FOXP2: variants seen among roughly 807,000 people sequenced by gnomAD.
The protein encoded by FOXP2 is forkhead box P2.
A neutral mutation model predicts 115.8 loss-of-function variants in FOXP2; 12 were observed. That is an observed-to-expected ratio of 0.10 (90% CI 0.07 to 0.17). The LOEUF (loss-of-function observed/expected upper bound fraction) is 0.17. FOXP2 is among the 10% of genes least tolerant of loss of function. The pLI is 1.00. For missense variants in FOXP2, 629 were observed against 843.5 expected (o/e 0.75, Z 3.15); for synonymous variants, 328 against 297.7 (o/e 1.10, Z -1.05).
chr7:114,150,512 A>G (rs1468635369), intron 1 of FOXP2, among the ~76,000 whole-genome samples: 2 of 151,946 alleles, frequency 1.3e-5, no homozygotes, highest in Admixed American at 6.6e-5. Flanking sequence ...CTTTTCACTT[A>G]ATAGCCCTGG....
chr7:114,184,555 G>T (rs1399083120), intron 1 of FOXP2, among the ~76,000 whole-genome samples: 1 of 152,092 alleles, frequency 6.6e-6, no homozygotes, highest in Non-Finnish European at 1.5e-5. Flanking sequence ...TATAGAACTG[G>T]ATTCCAAGAA....
chr7:114,561,961 G>T (rs1448021436), intron 3 of FOXP2, among the ~76,000 whole-genome samples: 2 of 151,934 alleles, frequency 1.3e-5, no homozygotes, highest in African/African-American at 4.8e-5. Flanking sequence ...AACTTGGACC[G>T]GTTCTTTAAA....
chr7:114,671,473 C>T (rs2129345557), intron 16 of FOXP2, among the ~76,000 whole-genome samples: 1 of 152,226 alleles, frequency 6.6e-6, no homozygotes, highest in East Asian at 1.9e-4. Flanking sequence ...CAAAGTGTGT[C>T]AGAAAACTTT....
At chr7:114,553,475 G>T (rs910965147) in intron 3 of FOXP2, among the ~76,000 whole-genome samples, 1 of 152,008 alleles carries the variant, frequency 6.6e-6, no homozygotes, top group African/African-American at 2.4e-5. Flanking sequence ...GACTTCCTTT[G>T]TTGCTCCAGT....
upstream of FOXP2, chr7:114,086,445 C>T: frequency 2.9e-6 from 1 of 342,598 alleles, no homozygotes; most frequent in South Asian, 2.1e-5. Context: ...TATGCGGCGG[C>T]CGCGTCCGCT....
At chr7:114,221,882 T>C (rs1794631587) in intron 1 of FOXP2, among the ~76,000 whole-genome samples, 3 of 152,054 alleles carry the variant, frequency 2.0e-5, no homozygotes, top group Non-Finnish European at 4.4e-5. Flanking sequence ...CTTGTTGAGT[T>C]CATTCTTCAT....
At chr7:114,501,912 G>A (rs1797579788) in intron 2 of FOXP2, among the ~76,000 whole-genome samples, 2 of 151,962 alleles carry the variant, frequency 1.3e-5, no homozygotes, top group Non-Finnish European at 2.9e-5. Flanking sequence ...TCTACATGTA[G>A]ATAAATGTTT....
intron 2 of FOXP2, among the ~76,000 whole-genome samples, chr7:114,487,167 T>C (rs917650179): frequency 2.0e-4 from 31 of 152,152 alleles, no homozygotes; most frequent in African/African-American, 7.5e-4. Context: ...TCCTCTGAAA[T>C]CTAGGCAGAG....
chr7:114,415,425 C>T (rs1480090001), intron 1 of FOXP2, 65 bp downstream of exon 1: 3 of 372,500 alleles, frequency 8.1e-6, no homozygotes, highest in South Asian at 2.1e-5. Context: ...TTTACGATTG[C>T]TTTACTGGTA....
chr7:114,575,961 A>G (rs543767526), intron 3 of FOXP2, among the ~76,000 whole-genome samples: 1 of 152,072 alleles, frequency 6.6e-6, no homozygotes, highest in South Asian at 2.1e-4. Context: ...CATTTGTAAA[A>G]AGATGTGTGG....
At chr7:114,657,742 C>A (rs894029702) in intron 10 of FOXP2, among the ~76,000 whole-genome samples, 1 of 152,144 alleles carries the variant, frequency 6.6e-6, no homozygotes. Context: ...GGGGGCTAGA[C>A]CTGTTTAACA....
intron 2 of FOXP2, among the ~76,000 whole-genome samples, chr7:114,435,769 C>T (rs1794315215): frequency 1.3e-5 from 2 of 152,120 alleles, no homozygotes; most frequent in Non-Finnish European, 2.9e-5. Context: ...GAGCTCCTGA[C>T]CTCAGGTGAT....
chr7:114,363,915 C>T (rs768330988), intron 2 of FOXP2, among the ~76,000 whole-genome samples: 6 of 152,064 alleles, frequency 3.9e-5, no homozygotes, highest in Non-Finnish European at 7.4e-5. Flanking sequence ...GAGATATTTG[C>T]TTGTAGGTCT....
At position 114,555,025 on chromosome 7, in the gene FOXP2, A is replaced by T. The variant is rs547960327; in HGVS notation, c.258+20319A>T. Among the ~76,000 whole-genome samples, 5 of 152,342 alleles carry T rather than the reference A, an allele frequency of 3.3e-5. No individual in the cohort carries two copies. The East Asian group carries it at 9.6e-4, about 29-fold the overall frequency. On this transcript the variant is annotated intron_variant, in intron 3 of 16. Transcript: ENST00000350908. ...TACATGCGTGACTAGGGCCAGCGAA[A>T]AAGAAGACCAAGGAATCAACCAGAG...
At chr7:114,321,175 CTTTATTTATTTA>C (rs60714472) in intron 2 of FOXP2, among the ~76,000 whole-genome samples, 21 of 140,870 alleles carry the variant, frequency 1.5e-4, no homozygotes, top group South Asian at 4.8e-4. Flanking sequence ...TATCTAGTAA[CTTTATTTATTTA>C]TTTATTTATT....
chr7:114,529,482 C>G (rs552886068), intron 2 of FOXP2, among the ~76,000 whole-genome samples: 1 of 151,724 alleles, frequency 6.6e-6, no homozygotes, highest in Non-Finnish European at 1.5e-5. Flanking sequence ...TTAAAGTACT[C>G]TTATTATAGT....
chr7:114,396,573 C>T (rs1562903132), intron 2 of FOXP2, among the ~76,000 whole-genome samples: 1 of 151,604 alleles, frequency 6.6e-6, no homozygotes, highest in Non-Finnish European at 1.5e-5. Context: ...TAATGTTTTC[C>T]ATAATGGCTA....
intron 1 of FOXP2, among the ~76,000 whole-genome samples, chr7:114,193,462 T>C (rs1793819467): frequency 6.6e-6 from 1 of 151,764 alleles, no homozygotes; most frequent in African/African-American, 2.4e-5. Context: ...TAATTATACA[T>C]GTTATATAAT....
At chr7:114,558,352 T>C (rs575725478) in intron 3 of FOXP2, among the ~76,000 whole-genome samples, 1 of 152,222 alleles carries the variant, frequency 6.6e-6, no homozygotes, top group Admixed American at 6.5e-5. Context: ...GGACTCCAGA[T>C]ATGTCAGAAA....
Sources: gnomAD v4.1 joint callset for allele counts (sites outside exome capture counted in the v4.1 genomes callset) on GRCh38, gnomAD v4.1.1 for gene constraint, MANE v1.5 for transcripts, NCBI Gene and HGNC (gene_info 2026-07-23, HGNC 2026-07-21) for gene names.